The following NALF1 variants were observed in gnomAD, a reference collection of about 807,000 sequenced individuals.
NALF1 encodes the protein family with sequence similarity 155 member A.
Under a neutral mutation model 48.4 loss-of-function variants are expected in NALF1, and 3 were observed. The observed-to-expected ratio is 0.06, with a 90% CI of 0.03 to 0.16. NALF1 has a LOEUF of 0.16. Among genes scored for constraint, NALF1 ranks in the 10% least tolerant of loss-of-function variants. The pLI is 1.00. For missense variants in NALF1, 526 were observed against 571.5 expected, an observed-to-expected ratio of 0.92 and a Z score of 0.81; for synonymous variants, 262 against 245.7, an observed-to-expected ratio of 1.07 and a Z score of -0.62.
intron 1 of NALF1, among the ~76,000 whole-genome samples, chr13:107,555,132 C>G (rs1453768266): frequency 6.6e-5 from 10 of 152,030 alleles, no homozygotes; most frequent in Admixed American, 6.6e-4. Flanking sequence ...ATTAAGCAGG[C>G]TGCTTAATTA....
At chr13:107,176,717 T>C (rs573468317) in intron 2 of NALF1, among the ~76,000 whole-genome samples, 8 of 152,024 alleles carry the variant, frequency 5.3e-5, no homozygotes, top group Admixed American at 5.2e-4. Flanking sequence ...AAATCTCAAA[T>C]AATATTAATT....
At chr13:107,459,737 A>G (rs147519317) in intron 1 of NALF1, among the ~76,000 whole-genome samples, 4 of 151,928 alleles carry the variant, frequency 2.6e-5, no homozygotes, top group Admixed American at 6.6e-5. Context: ...CATGCTTCTT[A>G]TTTTTTATTT....
intron 1 of NALF1, among the ~76,000 whole-genome samples, chr13:107,665,756 T>C (rs1242963848): frequency 2.6e-5 from 4 of 152,070 alleles, no homozygotes; most frequent in Non-Finnish European, 5.9e-5. Context: ...CCGAATAATA[T>C]GAGGGGACTT....
chr13:107,538,946 A>T (rs1463791428), intron 1 of NALF1, among the ~76,000 whole-genome samples: 3 of 152,092 alleles, frequency 2.0e-5, no homozygotes, highest in Non-Finnish European at 2.9e-5. Flanking sequence ...TATAATTATG[A>T]TCATCCATCC....
intron 1 of NALF1, among the ~76,000 whole-genome samples, chr13:107,834,764 T>A (rs1392408684): frequency 2.6e-5 from 4 of 152,244 alleles, no homozygotes; most frequent in Non-Finnish European, 5.9e-5. Flanking sequence ...GTATGCAATT[T>A]AATTTTGAAT....
intron 1 of NALF1, among the ~76,000 whole-genome samples, chr13:107,321,468 C>A (rs2138914149): frequency 6.6e-6 from 1 of 152,214 alleles, no homozygotes; most frequent in South Asian, 2.1e-4. Flanking sequence ...AAAAGCTAAG[C>A]TTAACAAGTT....
rs867560423 is a variant in NALF1, at chr13:107,865,956, G to C, written c.641C>G (p.Pro214Arg). The C allele has an allele frequency of 1.9e-6, 3 of 1,613,584 alleles. No homozygotes were observed. Among genetic ancestry groups the C allele is most frequent in the Non-Finnish European group, 2.5e-6 (3 of 1,179,922 alleles). ...GTAAAAATCCGACAAGTTCCAGAGC[G>C]GAGTGGGATGCTTGCTCCTCACCTC... ...GQEVRSKHPT[P>R]LWNLSDFYLS... The change falls in exon 1 of 3, where the codon CCG (proline) becomes CGG (arginine). Residue 214 changes from proline (P) to arginine (R), a missense_variant. This residue lies in a region of NALF1 where 373 missense variants were observed against 355.5 expected (regional missense o/e 1.05). Transcript: ENST00000375915.
intron 1 of NALF1, among the ~76,000 whole-genome samples, chr13:107,786,287 AT>A (rs1246293881): frequency 6.6e-6 from 1 of 151,722 alleles, no homozygotes; most frequent in African/African-American, 2.4e-5. Flanking sequence ...GTGGTGGTGC[AT>A]GCCTGTAATC....
At chr13:107,246,934 C>T (rs557510329) in intron 1 of NALF1, among the ~76,000 whole-genome samples, 2 of 152,106 alleles carry the variant, frequency 1.3e-5, no homozygotes, top group African/African-American at 2.4e-5. Flanking sequence ...TTGGGTCACA[C>T]GTTAACAATG....
At chr13:107,819,699 C>G (rs867967717) in intron 1 of NALF1, among the ~76,000 whole-genome samples, 50 of 149,836 alleles carry the variant, frequency 3.3e-4, no homozygotes, top group African/African-American at 1.0e-3. Flanking sequence ...CTCTCTCTCT[C>G]TCTCTCTCTC....
intron 1 of NALF1, among the ~76,000 whole-genome samples, chr13:107,444,146 T>C (rs956645148): frequency 2.0e-5 from 3 of 152,188 alleles, no homozygotes; most frequent in African/African-American, 7.2e-5. Flanking sequence ...TTCAGCTTAT[T>C]ATGCTAAGAT....
rs117660511 is a variant in NALF1, at chr13:107,841,039, C to T, written c.915+24643G>A. 1.9e-3 allele frequency among the ~76,000 whole-genome samples: 283 copies of T among 152,160 alleles called. 15 individuals are homozygous for T. The East Asian group carries it at 0.025, about 13-fold the overall frequency. On this transcript the variant is annotated intron_variant, in intron 1 of 2. Coordinates refer to ENST00000375915, the MANE Select transcript of NALF1 (RefSeq NM_001080396.3). ...TCTATTTCTCTAATTATATTATATG[C>T]TCTTGAGGGGCAGGGGTCATCATCC...
chr13:107,190,882 TAG>T (rs1458990689), intron 2 of NALF1, among the ~76,000 whole-genome samples: 6 of 151,968 alleles, frequency 3.9e-5, no homozygotes, highest in African/African-American at 1.5e-4. Context: ...AGCAGAAAGG[TAG>T]AGTTTGGGGG....
intron 1 of NALF1, among the ~76,000 whole-genome samples, chr13:107,653,424 C>T (rs4143870): frequency 1.3e-5 from 2 of 151,804 alleles, no homozygotes; most frequent in East Asian, 1.9e-4. Flanking sequence ...TTATTTTAGT[C>T]CCTAGTCATC....
In NALF1 at chr13:107,866,073, C is replaced by A; in HGVS notation, c.524G>T (p.Gly175Val). 6.2e-7 allele frequency: 1 copy of A among 1,612,974 alleles called. No individual in the cohort carries two copies. The highest frequency in any genetic ancestry group is 8.5e-7 in the Non-Finnish European group (1 of 1,179,966). Residue 175 changes from glycine to valine, a missense_variant, in exon 1 of 3, where the codon GGC (glycine) becomes GTC (valine). Physicochemically the swap from Gly to Val is moderately radical, Grantham distance 109. This residue lies in a region of NALF1 where 373 missense variants were observed against 355.5 expected (regional missense o/e 1.05). Transcript: ENST00000375915. This position sits in a 1 kb window ranked among gnomAD's most constrained non-coding sequence, Gnocchi z 4.4. ...VWRLETCYPQGASSGQCFTVE... is the reference protein window; with the variant it reads ...VWRLETCYPQVASSGQCFTVE... The stretch of plus-strand genomic sequence containing the variant: ...CGTGAAGCACTGGCCCGAGGACGCG[C>A]CCTGGGGGTAACAAGTCTCCAGGCG...
At chr13:107,216,786 A>G (rs1879881660) in intron 1 of NALF1, among the ~76,000 whole-genome samples, 1 of 152,128 alleles carries the variant, frequency 6.6e-6, no homozygotes, top group Admixed American at 6.5e-5. Flanking sequence ...TTTATACAGG[A>G]GAGGGAATCA....
Position 107,267,258 on chromosome 13 carries a change from C to T in NALF1, c.916-56503G>A, listed in dbSNP as rs377657997. 4.4e-4 allele frequency among the ~76,000 whole-genome samples: 67 copies of T among 152,204 alleles called. 1 individual carries two copies. Among genetic ancestry groups the T allele is most frequent in the African/African-American group, 1.5e-3 (64 of 41,518 alleles). On this transcript the variant is annotated intron_variant, in intron 1 of 2. Coordinates refer to ENST00000375915, the MANE Select transcript of NALF1 (RefSeq NM_001080396.3). ...AATACAGTAGTTAATGTAAAGCTTA[C>T]AGCCTAGGTGAGAATGTAGATACCA... is the stretch of plus-strand genomic sequence containing the variant.
At chr13:107,686,027 A>G (rs1453350495) in intron 1 of NALF1, among the ~76,000 whole-genome samples, 2 of 152,270 alleles carry the variant, frequency 1.3e-5, no homozygotes, top group African/African-American at 4.8e-5. Flanking sequence ...GCTGATGTGA[A>G]GAAGCGGCAG....
chr13:107,733,332 T>G (rs1324575357), intron 1 of NALF1, among the ~76,000 whole-genome samples: 2 of 152,182 alleles, frequency 1.3e-5, no homozygotes, highest in South Asian at 2.1e-4. Context: ...CTATTTCTTC[T>G]CTGGACACTC....
Sources: gnomAD v4.1 joint callset for allele counts (sites outside exome capture counted in the v4.1 genomes callset) on GRCh38, gnomAD v4.1.1 for gene constraint, gnomAD v4.1.1 regional missense constraint, Gnocchi (gnomAD v3.1) non-coding constraint, MANE v1.5 for transcripts, NCBI Gene and HGNC (gene_info 2026-07-23, HGNC 2026-07-21) for gene names.